RANBP2: variants seen among roughly 807,000 people sequenced by gnomAD.
RANBP2 encodes the protein E3 SUMO-protein ligase RanBP2.
A neutral mutation model predicts 303.6 loss-of-function variants in RANBP2; 57 were observed. The ratio of observed to expected loss-of-function variants is 0.19; its 90% CI spans 0.15 to 0.23. The LOEUF is 0.23. RANBP2 is among the 10% of genes least tolerant of loss of function. The probability of loss-of-function intolerance (pLI) is 1.00; values close to 1 mark genes in which losing one functional copy is unlikely to be tolerated. For missense variants in RANBP2, 3,138 were observed against 3,780.8 expected (o/e 0.83, Z 4.46); for synonymous variants, 1,167 against 1,301.5 (o/e 0.90, Z 2.23).
chr2:109,170,296 T>TCTCTTCTCTTCTCTC, the RANBP2 span, among the ~76,000 whole-genome samples: 1 of 110,880 alleles, frequency 9.0e-6, no homozygotes, highest in Non-Finnish European at 1.9e-5. Flanking sequence ...TCTCTTCTCT[T>TCTCTTCTCTTCTCTC]CTCTTCTCTT....
the RANBP2 span, chr2:109,503,846 C>T: frequency 6.6e-6 from 1 of 152,182 alleles, no homozygotes; most frequent in African/African-American, 2.4e-5. Flanking sequence ...CTTCACCCTC[C>T]TGGTGGGGGG....
At chr2:109,602,302 AT>A in the RANBP2 span, among the ~76,000 whole-genome samples, 1 of 146,206 alleles carries the variant, frequency 6.8e-6, no homozygotes, top group Non-Finnish European at 1.5e-5. Context: ...ATTAAGGACA[AT>A]AAAATTAAGA....
the RANBP2 span, chr2:109,543,909 A>G: frequency 2.2e-6 from 1 of 458,088 alleles, no homozygotes; most frequent in Non-Finnish European, 3.9e-6. Context: ...TACATAATTC[A>G]TGTTTCACAT....
chr2:109,647,160 T>C, the RANBP2 span, among the ~76,000 whole-genome samples: 1 of 128,552 alleles, frequency 7.8e-6, no homozygotes, highest in African/African-American at 2.8e-5. Flanking sequence ...CCTCACTTTT[T>C]TTTTTTTTTT....
the RANBP2 span, chr2:109,501,782 C>A: frequency 1.1e-5 from 7 of 632,826 alleles, no homozygotes; most frequent in Non-Finnish European, 2.0e-5. Flanking sequence ...ATCTCCAAGG[C>A]ACCTGGCGGG....
chr2:108,796,208 C>T, the RANBP2 span, among the ~76,000 whole-genome samples: 1 of 152,082 alleles, frequency 6.6e-6, no homozygotes, highest in South Asian at 2.1e-4. Context: ...GCCACCGCGC[C>T]CGGCTAATTT....
Position 108,766,303 on chromosome 2 carries a change from T to G in RANBP2, c.5764T>G (p.Phe1922Val). The G allele has an allele frequency of 2.5e-6, 4 of 1,612,072 alleles. No individual in the cohort carries two copies. Among genetic ancestry groups the G allele is most frequent in the Non-Finnish European group, 3.4e-6 (4 of 1,179,912 alleles). ...AAAGCCTCTTGAAAATGGTACTGGC[T>G]TCCAGGCTCAGGATATTAGTGGCCA... ...SEKPLENGTG[F>V]QAQDISGQKN... is the part of the protein sequence containing the mutation. Residue 1922 changes from phenylalanine (F) to valine (V), a missense_variant, in exon 20 of 29, where the codon TTC becomes GTC. Physicochemically the swap from Phe to Val is conservative, Grantham distance 50. Transcript: ENST00000283195.
At chr2:109,449,455 C>A in the RANBP2 span, 1 of 1,614,012 alleles carries the variant, frequency 6.2e-7, no homozygotes, top group Non-Finnish European at 8.5e-7. Context: ...CCCACCAACA[C>A]GGGATGCAAA....
At chr2:109,593,180 T>C in the RANBP2 span, 5 of 1,089,822 alleles carry the variant, frequency 4.6e-6, no homozygotes, top group South Asian at 1.7e-5. Flanking sequence ...AACCCCATTA[T>C]CTGAATAATA....
chr2:109,701,041 A>G, the RANBP2 span, among the ~76,000 whole-genome samples: 122,475 of 152,170 alleles, frequency 0.8, 55,560 homozygotes, highest in Non-Finnish European at 0.99. Flanking sequence ...GGAGCTGAAG[A>G]TGCAGGAGAC....
the RANBP2 span, among the ~76,000 whole-genome samples, chr2:109,135,773 G>A: frequency 9.2e-5 from 14 of 152,268 alleles, no homozygotes; most frequent in Non-Finnish European, 1.6e-4. Flanking sequence ...GCATCTATGC[G>A]GAGTAGTTGC....
the RANBP2 span, among the ~76,000 whole-genome samples, chr2:109,202,602 A>G: frequency 5.6e-4 from 86 of 152,248 alleles, no homozygotes; most frequent in East Asian, 0.013. Flanking sequence ...TTCCTTTTTC[A>G]GAGCATAGAG....
the RANBP2 span, among the ~76,000 whole-genome samples, chr2:109,194,916 GA>G: frequency 6.6e-6 from 1 of 151,968 alleles, no homozygotes; most frequent in Non-Finnish European, 1.5e-5. Context: ...AAAAGAAAAA[GA>G]AAAAAATCCA....
the RANBP2 span, among the ~76,000 whole-genome samples, chr2:109,365,980 T>G: frequency 6.6e-6 from 1 of 152,252 alleles, no homozygotes; most frequent in Non-Finnish European, 1.5e-5. Context: ...ACATGCTGCT[T>G]GCTTTCTTCC....
chr2:108,874,727 A>G, the RANBP2 span, among the ~76,000 whole-genome samples: 1 of 152,160 alleles, frequency 6.6e-6, no homozygotes, highest in South Asian at 2.1e-4. Context: ...GTCAAATTAT[A>G]ACCTTATAAT....
chr2:108,875,697 A>C, the RANBP2 span, among the ~76,000 whole-genome samples: 147 of 152,138 alleles, frequency 9.7e-4, no homozygotes, highest in African/African-American at 3.3e-3. Flanking sequence ...GTCTCTACAA[A>C]AAATAAACAA....
At chr2:108,743,849 C>G (rs1231950600) in intron 7 of RANBP2, among the ~76,000 whole-genome samples, 1 of 152,192 alleles carries the variant, frequency 6.6e-6, no homozygotes. Flanking sequence ...TTATTAACTA[C>G]CACATATTTC....
chr2:109,004,254 G>A, the RANBP2 span, among the ~76,000 whole-genome samples: 3 of 152,150 alleles, frequency 2.0e-5, no homozygotes, highest in African/African-American at 7.2e-5. Flanking sequence ...CCACCCTCAC[G>A]TGCTGTGGGT....
chr2:109,687,883 A>G, the RANBP2 span, among the ~76,000 whole-genome samples: 11 of 151,958 alleles, frequency 7.2e-5, no homozygotes, highest in Admixed American at 6.6e-5. Context: ...AGCTGGGACT[A>G]CACACGTGCA....
Sources: gnomAD v4.1 joint callset for allele counts (sites outside exome capture counted in the v4.1 genomes callset) on GRCh38, gnomAD v4.1.1 for gene constraint, MANE v1.5 for transcripts, NCBI Gene and HGNC (gene_info 2026-07-23, HGNC 2026-07-21) for gene names.